The following SYNJ2 variants were observed in gnomAD, a reference collection of about 807,000 sequenced individuals.
The protein encoded by SYNJ2 is polyphosphatidylinositol phosphatase SYNJ2.
In SYNJ2, 116 loss-of-function variants were observed where a neutral mutation model predicts 141.3. The observed-to-expected ratio is 0.82, with a 90% CI of 0.71 to 0.96. The LOEUF is 0.96. Ranked by LOEUF, SYNJ2 falls within the 40% of genes least tolerant of loss-of-function variation. The pLI, the probability that SYNJ2 is intolerant of heterozygous loss-of-function variation, is 0.00. For missense variants in SYNJ2, 1,873 were observed against 1,934.8 expected, an observed-to-expected ratio of 0.97 and a Z score of 0.60; for synonymous variants, 745 against 777.7, an observed-to-expected ratio of 0.96 and a Z score of 0.70.
At chr6:157,984,520 C>T (rs571751189) in intron 1 of SYNJ2, among the ~76,000 whole-genome samples, 1 of 152,278 alleles carries the variant, frequency 6.6e-6, no homozygotes, top group South Asian at 2.1e-4. Flanking sequence ...TCTCCTGCCT[C>T]AGCCTCCCCA....
chr6:158,023,263 T>TA (rs1778869125), intron 2 of SYNJ2, among the ~76,000 whole-genome samples: 1 of 119,380 alleles, frequency 8.4e-6, no homozygotes, highest in Non-Finnish European at 1.7e-5. Flanking sequence ...GTCTCTAAAT[T>TA]TAAAAAAAAA....
chr6:158,068,140 TA>T (rs35047437), intron 12 of SYNJ2, among the ~76,000 whole-genome samples: 1,456 of 126,048 alleles, frequency 0.012, 10 homozygotes, highest in Middle Eastern at 0.024. Context: ...TTGTTTTATT[TA>T]AAAAAAAAAA....
intron 26 of SYNJ2, chr6:158,094,080 C>T (rs1783646827): frequency 1.5e-5 from 11 of 715,126 alleles, no homozygotes; most frequent in South Asian, 1.2e-4. Context: ...TGCTTCCCCC[C>T]TAGAGAGTGT....
intron 8 of SYNJ2, among the ~76,000 whole-genome samples, chr6:158,062,654 A>C (rs1781296547): frequency 6.6e-6 from 1 of 152,150 alleles, no homozygotes. Context: ...CTCAGGTCAC[A>C]TGCAGGGGGT....
intron 1 of SYNJ2, among the ~76,000 whole-genome samples, chr6:157,993,354 C>A (rs1415427243): frequency 1.3e-5 from 2 of 152,150 alleles, no homozygotes; most frequent in African/African-American, 2.4e-5. Context: ...ACATTCAAAT[C>A]TTTTGCTCAT....
intron 1 of SYNJ2, among the ~76,000 whole-genome samples, chr6:158,000,698 C>T (rs941108050): frequency 6.6e-5 from 10 of 152,064 alleles, no homozygotes; most frequent in Non-Finnish European, 1.2e-4. Flanking sequence ...GTAAACACAA[C>T]CCCCGCCACC....
chr6:157,997,732 G>C (rs1464811929), intron 1 of SYNJ2, among the ~76,000 whole-genome samples: 1 of 150,890 alleles, frequency 6.6e-6, no homozygotes, highest in East Asian at 1.9e-4. Flanking sequence ...AATGAGGCTT[G>C]GCAAACACTG....
chr6:158,006,389 A>G (rs1043938505), intron 1 of SYNJ2, among the ~76,000 whole-genome samples: 4 of 152,154 alleles, frequency 2.6e-5, no homozygotes, highest in Non-Finnish European at 5.9e-5. Context: ...CCAAAGTCTG[A>G]CTAAAGTGAC....
intron 3 of SYNJ2, among the ~76,000 whole-genome samples, chr6:158,032,562 CG>C (rs1450129249): frequency 6.6e-6 from 1 of 152,174 alleles, no homozygotes; most frequent in Non-Finnish European, 1.5e-5. Flanking sequence ...CACATGGAAA[CG>C]TAGGGCCTCA....
intron 2 of SYNJ2, among the ~76,000 whole-genome samples, chr6:158,024,922 A>T (rs1778960037): frequency 6.6e-6 from 1 of 152,244 alleles, no homozygotes; most frequent in South Asian, 2.1e-4. Context: ...GTCAATATTT[A>T]GAATACACTG....
At chr6:158,094,089 G>A in intron 26 of SYNJ2, 2 of 691,402 alleles carry the variant, frequency 2.9e-6, no homozygotes, top group Non-Finnish European at 2.6e-6. Flanking sequence ...CCTAGAGAGT[G>A]TGAGGGGGGC....
chr6:158,090,542 G>GTTTTTTTTTTTTTTTTTTTT (rs58356198), intron 25 of SYNJ2, among the ~76,000 whole-genome samples: 2 of 113,922 alleles, frequency 1.8e-5, no homozygotes, highest in Admixed American at 1.1e-4. Context: ...TTTTTTTTTT[G>GTTTTTTTTTTTTTTTTTTTT]TTTTTTTTTT....
chr6:158,061,901 T>C (rs951989373), intron 7 of SYNJ2, 91 bp from the exon 8 acceptor site: 2 of 1,345,522 alleles, frequency 1.5e-6, no homozygotes, highest in Admixed American at 2.0e-5. Context: ...GTCACCTTGG[T>C]TAGCCGCACG....
At chr6:158,061,746 T>C (rs1165907455) in intron 7 of SYNJ2, among the ~76,000 whole-genome samples, 2 of 152,190 alleles carry the variant, frequency 1.3e-5, no homozygotes, top group African/African-American at 2.4e-5. Flanking sequence ...CTGGCTTCTT[T>C]TGCTCAAGGG....
intron 3 of SYNJ2, 52 bp downstream of exon 3, chr6:158,029,078 G>GTGGGCCCTGGGTCTCCTGCAGAGGT: frequency 6.3e-7 from 1 of 1,589,476 alleles, no homozygotes. Context: ...CCTGCAGAGG[G>GTGGGCCCTGGGTCTCCTGCAGAGGT]TGGGCCCTGG....
At chr6:158,076,857 C>A in intron 17 of SYNJ2, 75 bp downstream of exon 17, 1 of 1,503,118 alleles carries the variant, frequency 6.7e-7, no homozygotes, top group Non-Finnish European at 8.9e-7. Context: ...TCACGTTTAC[C>A]CAACCCCAGG....
At chr6:158,087,331 C>CA (rs1583507256) in intron 23 of SYNJ2, among the ~76,000 whole-genome samples, 1 of 152,204 alleles carries the variant, frequency 6.6e-6, no homozygotes, top group East Asian at 1.9e-4. Flanking sequence ...AGTCTCTCCT[C>CA]AGCTGCTGCG....
At chr6:158,009,528 G>C (rs2128324157) in intron 1 of SYNJ2, among the ~76,000 whole-genome samples, 1 of 152,362 alleles carries the variant, frequency 6.6e-6, no homozygotes, top group African/African-American at 2.4e-5. Context: ...GTCGAGGAAG[G>C]GGGCTGAGGA....
chr6:158,022,582 T>C (rs916300667), intron 2 of SYNJ2, among the ~76,000 whole-genome samples: 3 of 152,188 alleles, frequency 2.0e-5, no homozygotes, highest in Non-Finnish European at 4.4e-5. Context: ...TGGCGCATCC[T>C]CCTGGGAGGC....
Sources: allele counts gnomAD v4.1 joint callset (sites outside exome capture counted in the v4.1 genomes callset), GRCh38; gene constraint gnomAD v4.1.1; transcripts MANE v1.5; gene names NCBI Gene and HGNC (gene_info 2026-07-23, HGNC 2026-07-21).